The following DENND3 variants were observed in gnomAD, a reference collection of about 807,000 sequenced individuals.
DENND3 encodes DENN domain-containing protein 3.
In DENND3, 88 loss-of-function variants were observed where a neutral mutation model predicts 135.1. That is an observed-to-expected ratio of 0.65 (90% CI 0.55 to 0.78). The LOEUF is 0.78. Ranked by LOEUF, DENND3 falls within the 30% of genes least tolerant of loss-of-function variation. The probability of loss-of-function intolerance (pLI) is 0.00; values close to 1 mark genes in which losing one functional copy is unlikely to be tolerated. For missense variants in DENND3, 1,392 were observed against 1,688.4 expected (o/e 0.82, Z 3.08); for synonymous variants, 693 against 712.3 (o/e 0.97, Z 0.43).
At position 141,192,519 on chromosome 8, in the gene DENND3, G is replaced by A. The variant is rs1358541417; in HGVS notation, c.3499-7G>A. Reference sequence around the variant, plus strand: ...GCCCATAGCCCACACCGTGCCCTGCGTTTCAGGAGGAGCAGCTGTGGGCGG... The same window carrying A: ...GCCCATAGCCCACACCGTGCCCTGCATTTCAGGAGGAGCAGCTGTGGGCGG... On this transcript the variant is annotated splice_region_variant and splice_polypyrimidine_tract_variant and intron_variant, in intron 21 of 22. Transcript: ENST00000519811. 16 of 1,600,284 alleles carry A rather than the reference G, an allele frequency of 1.0e-5. No homozygotes were observed. Among genetic ancestry groups the A allele is most frequent in the South Asian group, 2.2e-5 (2 of 89,824 alleles).
At position 141,144,255 on chromosome 8, in the gene DENND3, AT is replaced by A. The variant is rs756185955; in HGVS notation, c.734del (p.Leu245TrpfsTer5). On this transcript the variant is annotated frameshift_variant, in exon 5 of 23. Transcript: ENST00000519811. LOFTEE classifies it high-confidence loss of function. The surrounding 1 kb of genome is among the most constrained non-coding windows in gnomAD (Gnocchi z 4.4). ...LIPSPPPGPL[H>X]LVFNMKSLQI... ...CCCAGCCCGCCACCTGGACCGCTCCATTTGGTAAAGTATATCTGAAATTATA... is the reference window on the plus strand; with the variant it reads ...CCCAGCCCGCCACCTGGACCGCTCCATTGGTAAAGTATATCTGAAATTATA... 3.7e-6 allele frequency: 6 copies of A among 1,608,970 alleles called. No individual in the cohort carries two copies. The South Asian group carries it at 6.7e-5, about 18-fold the overall frequency.
rs1368369994 is a variant in DENND3, at chr8:141,155,937, T to C, written c.1163T>C (p.Val388Ala). ...GACGATAACGTGGACATTCCTGATG[T>C]CCCCCTCCTGGCAGCCCAGACGTTT... The part of the protein sequence containing the change: ...STDDNVDIPD[V>A]PLLAAQTFIQ... The change falls in exon 8 of 23, where the codon GTC becomes GCC. Residue 388 changes from valine to alanine, a missense_variant. By Grantham distance (64) the Val-to-Ala change is moderately conservative (BLOSUM62 0). Coordinates refer to ENST00000519811, the MANE Select transcript of DENND3 (RefSeq NM_001352890.3). The C allele has an allele frequency of 6.2e-7, 1 of 1,612,146 alleles. No homozygotes were observed. Among genetic ancestry groups the C allele is most frequent in the African/African-American group, 1.3e-5 (1 of 74,986 alleles).
rs1209976887 is a variant in DENND3 at position 141,157,758 on chromosome 8, TC to T, written c.1196+1789del. ...CTGAAAAATGTTTAGGAAAACTACCTCTTTTTTTTTTTTTTTTTGGAGACAG... is the reference window on the plus strand; with the variant it reads ...CTGAAAAATGTTTAGGAAAACTACCTTTTTTTTTTTTTTTTTTGGAGACAG... On this transcript the variant is annotated intron_variant, in intron 8 of 22. Coordinates refer to ENST00000519811, the MANE Select transcript of DENND3 (RefSeq NM_001352890.3). 5 of 897,614 alleles carry T rather than the reference TC, an allele frequency of 5.6e-6. No homozygotes were observed. The East Asian group carries it at 4.8e-4, about 86-fold the overall frequency. The allele number at this position is 897,614 out of a possible 1,614,324, so 55.6% of individuals were successfully genotyped here.
intron 13 of DENND3, among the ~76,000 whole-genome samples, chr8:141,172,330 G>C (rs1391498702): frequency 6.6e-6 from 1 of 152,074 alleles, no homozygotes; most frequent in African/African-American, 2.4e-5. Flanking sequence ...AGTGTCCACA[G>C]GCTGGCTGAG....
rs1423724913 is a variant in DENND3 at position 141,166,679 on chromosome 8, G to A, written c.1753+290G>A. Among the ~76,000 whole-genome samples, 1 of 152,172 alleles carries A rather than the reference G, an allele frequency of 6.6e-6. No homozygotes were observed. The highest frequency in any genetic ancestry group is 1.5e-5 in the Non-Finnish European group (1 of 68,022). On this transcript the variant is annotated intron_variant, in intron 12 of 22. Transcript: ENST00000519811. The surrounding 1 kb of genome is among the most constrained non-coding windows in gnomAD (Gnocchi z 4.3). ...GTGCCTGTCTCTGTATGTGTGGATT[G>A]CATGTGTATAAATACATATTTACAC...
Position 141,167,434 on chromosome 8 carries a change from C to T in DENND3, c.1754-570C>T, listed in dbSNP as rs1820952828. 6.6e-6 allele frequency among the ~76,000 whole-genome samples: 1 copy of T among 152,170 alleles called. No individual in the cohort carries two copies. The highest frequency in any genetic ancestry group is 2.4e-5 in the African/African-American group (1 of 41,428). ...CCTGGGAGAAGAGGAAACCCAGCAC[C>T]CAGTTGGTGCCTAGCTCCTGGAGGG... On this transcript the variant is annotated intron_variant, in intron 12 of 22. Transcript: ENST00000519811. This position sits in a 1 kb window ranked among gnomAD's most constrained non-coding sequence, Gnocchi z 4.1.
intron 1 of DENND3, among the ~76,000 whole-genome samples, chr8:141,136,285 C>A (rs1021135044): frequency 1.3e-5 from 2 of 152,216 alleles, no homozygotes; most frequent in African/African-American, 4.8e-5. Context: ...ATGTCCACAG[C>A]TGAAGAGCCA....
chr8:141,175,790 T>G lies in DENND3; in HGVS notation c.2535+331T>G. 2.7e-6 allele frequency: 1 copy of G among 367,544 alleles called. No individual in the cohort carries two copies. The highest frequency in any genetic ancestry group is 5.2e-6 in the Non-Finnish European group (1 of 192,624). The allele number at this position is 367,544 out of a possible 1,614,324, so 22.8% of individuals were successfully genotyped here. On this transcript the variant is annotated intron_variant, in intron 14 of 22. Coordinates refer to ENST00000519811, the MANE Select transcript of DENND3 (RefSeq NM_001352890.3). This position sits in a 1 kb window ranked among gnomAD's most constrained non-coding sequence, Gnocchi z 5.4. ...AGGGACAGTAGGACGCCTTCGTTCA[T>G]CCATGAGATGTTTACTGAGAAACTG... is the stretch of plus-strand genomic sequence containing the variant.
Position 141,135,157 on chromosome 8 carries a change from T to C in DENND3, c.103-1352T>C, listed in dbSNP as rs552467581. On this transcript the variant is annotated intron_variant, in intron 1 of 22. Transcript: ENST00000519811. Reference sequence around the variant, plus strand: ...AGCTCTTTCTTTCTTTCTTTCTTTTTTTTTTTTTTTTTGAGACCAGGTCTT... The same window carrying C: ...AGCTCTTTCTTTCTTTCTTTCTTTTCTTTTTTTTTTTTGAGACCAGGTCTT... Among the ~76,000 whole-genome samples the C allele has an allele frequency of 3.2e-3, 485 of 149,876 alleles. 1 individual carries two copies. Among genetic ancestry groups the C allele is most frequent in the African/African-American group, 9.9e-3 (403 of 40,888 alleles).
chr8:141,193,760 G>GTTGT (rs1193131952), intron 22 of DENND3: 2 of 517,870 alleles, frequency 3.9e-6, no homozygotes, highest in Admixed American at 3.1e-5. Context: ...ACAGGTGGCT[G>GTTGT]TTGTTTGGTG....
Position 141,166,419 on chromosome 8 carries a change from G to C in DENND3, c.1753+30G>C. On this transcript the variant is annotated intron_variant, in intron 12 of 22. Coordinates refer to ENST00000519811, the MANE Select transcript of DENND3 (RefSeq NM_001352890.3). The surrounding 1 kb of genome is among the most constrained non-coding windows in gnomAD (Gnocchi z 4.3). ...GGGCTGCCCCCCACTGTGGTGCTGT[G>C]TGTCGGTCCCACCATTCCTGCACCT... 1.3e-6 allele frequency: 2 copies of C among 1,590,170 alleles called. No homozygotes were observed. Among genetic ancestry groups the C allele is most frequent in the Non-Finnish European group, 1.7e-6 (2 of 1,169,822 alleles).
chr8:141,138,252 C>A lies in DENND3; in HGVS notation c.501+115C>A. ...CATTTTAAAGTGTGCAGTTCCGTAA[C>A]ATTAAGTACATTCACAGCATTGTGC... On this transcript the variant is annotated intron_variant, in intron 3 of 22. Coordinates refer to ENST00000519811, the MANE Select transcript of DENND3 (RefSeq NM_001352890.3). This position sits in a 1 kb window ranked among gnomAD's most constrained non-coding sequence, Gnocchi z 4.8. 1 of 1,071,596 alleles carries A rather than the reference C, an allele frequency of 9.3e-7. No homozygotes were observed. 66.4% of individuals were successfully genotyped at this position (1,071,596 alleles called of 1,614,324 possible).
chr8:141,150,772 G>A, intron 5 of DENND3, 62 bp from the exon 6 acceptor site: 1 of 1,508,310 alleles, frequency 6.6e-7, no homozygotes, highest in Non-Finnish European at 8.8e-7. Flanking sequence ...AGTGACAGTA[G>A]TGCACGTCAG....
In DENND3 at chr8:141,174,109, A is replaced by AGT. The variant is rs1253169433; in HGVS notation, c.2276-1081_2276-1080dup. Among the ~76,000 whole-genome samples the AGT allele has an allele frequency of 6.6e-6, 1 of 151,604 alleles. No individual in the cohort carries two copies. Among genetic ancestry groups the AGT allele is most frequent in the African/African-American group, 2.4e-5 (1 of 41,226 alleles). ...TTTCCTGGTGTGAGCAGGCAGGATG[A>AGT]GTGTGTGTGTGCGTGTAACAACACG... On this transcript the variant is annotated intron_variant, in intron 13 of 22. Coordinates refer to ENST00000519811, the MANE Select transcript of DENND3 (RefSeq NM_001352890.3). This position sits in a 1 kb window ranked among gnomAD's most constrained non-coding sequence, Gnocchi z 4.6.
At position 141,168,565 on chromosome 8, in the gene DENND3, A is replaced by G. The variant is rs1425938971; in HGVS notation, c.2275+40A>G. The G allele has an allele frequency of 6.4e-7, 1 of 1,566,002 alleles. No homozygotes were observed. The highest frequency in any genetic ancestry group is 8.7e-7 in the Non-Finnish European group (1 of 1,153,524). ...GGCACCATCACAGATTTTATTATTT[A>G]GAGACAGGGTCTGGCTCTGTCGCCC... On this transcript the variant is annotated intron_variant, in intron 13 of 22. Coordinates refer to ENST00000519811, the MANE Select transcript of DENND3 (RefSeq NM_001352890.3). This position sits in a 1 kb window ranked among gnomAD's most constrained non-coding sequence, Gnocchi z 6.2.
Position 141,168,520 on chromosome 8 carries a change from C to A in DENND3, c.2270C>A (p.Thr757Asn), listed in dbSNP as rs543886953. The change falls in exon 13 of 23, where the codon ACT becomes AAT. Residue 757 changes from threonine to asparagine, a missense_variant. Thr to Asn is a moderately conservative substitution (Grantham distance 65). Coordinates refer to ENST00000519811, the MANE Select transcript of DENND3 (RefSeq NM_001352890.3). This position sits in a 1 kb window ranked among gnomAD's most constrained non-coding sequence, Gnocchi z 6.2. ...ATACACCGGCTGTTCGAGGCCTTGACTGTAGGTAAGAGGAGGCCTGGCACC... is the reference window on the plus strand; with the variant it reads ...ATACACCGGCTGTTCGAGGCCTTGAATGTAGGTAAGAGGAGGCCTGGCACC... ...SIIHRLFEAL[T>N]VGQEKQIDPE... The A allele has an allele frequency of 4.4e-6, 7 of 1,604,824 alleles. No homozygotes were observed. The South Asian group carries it at 7.7e-5, about 18-fold the overall frequency.
rs569257439 is a variant in DENND3, at chr8:141,184,923, G to A, written c.2945-216G>A. The A allele has an allele frequency of 1.3e-4, 69 of 534,218 alleles. No homozygotes were observed. The South Asian group carries it at 2.1e-3, about 16-fold the overall frequency. 33.1% of individuals were successfully genotyped at this position (534,218 alleles called of 1,614,324 possible). A position where few individuals can be genotyped will look rare whatever the true frequency, so the allele number is the denominator to read the frequency against. ...TGCATCTGCCTGCGGCTCTGACCCT[G>A]TCTTTGTGGCCCTCTCACCAGCCAG... On this transcript the variant is annotated intron_variant, in intron 17 of 22. Coordinates refer to ENST00000519811, the MANE Select transcript of DENND3 (RefSeq NM_001352890.3).
At chr8:141,183,034 GC>G (rs1437278774) in intron 17 of DENND3, among the ~76,000 whole-genome samples, 2 of 152,168 alleles carry the variant, frequency 1.3e-5, no homozygotes, top group African/African-American at 4.8e-5. Context: ...GTGAAACCTC[GC>G]CCCTTCACAC....
At chr8:141,135,564 G>T (rs981230410) in intron 1 of DENND3, among the ~76,000 whole-genome samples, 1 of 152,054 alleles carries the variant, frequency 6.6e-6, no homozygotes, top group Admixed American at 6.5e-5. Flanking sequence ...TTGCTGTTTC[G>T]GGCTAGTTTA....
Sources: allele counts gnomAD v4.1 joint callset (sites outside exome capture counted in the v4.1 genomes callset), GRCh38; gene constraint gnomAD v4.1.1; non-coding constraint Gnocchi (gnomAD v3.1); transcripts MANE v1.5; gene names NCBI Gene and HGNC (gene_info 2026-07-23, HGNC 2026-07-21).